Variants in CDK7 observed in about 807,000 individuals in gnomAD.
The protein encoded by CDK7 is cyclin dependent kinase 7, also known as cyclin-dependent kinase 7.
In CDK7, 25 loss-of-function variants were observed where a neutral mutation model predicts 49.1. The ratio of observed to expected loss-of-function variants is 0.51; its 90% CI spans 0.37 to 0.71. The LOEUF is 0.71. Among genes scored for constraint, CDK7 ranks in the 30% least tolerant of loss-of-function variants. The probability of loss-of-function intolerance (pLI) is 0.00; values close to 1 mark genes in which losing one functional copy is unlikely to be tolerated. For synonymous variants in CDK7, 107 were observed against 140.0 expected, an observed-to-expected ratio of 0.76 and a Z score of 1.67; for missense variants, 316 against 411.7, an observed-to-expected ratio of 0.77 and a Z score of 2.01.
At chr5:69,247,189 G>A (rs1749810814) in intron 2 of CDK7, among the ~76,000 whole-genome samples, 2 of 152,180 alleles carry the variant, frequency 1.3e-5, no homozygotes, top group African/African-American at 4.8e-5. Context: ...GGTGAAAGTG[G>A]GGGTGTTGAA....
At chr5:69,262,812 T>C (rs1387625260) in intron 8 of CDK7, among the ~76,000 whole-genome samples, 1 of 152,204 alleles carries the variant, frequency 6.6e-6, no homozygotes, top group East Asian at 1.9e-4. Flanking sequence ...ATATCTTCCA[T>C]TTAGGACAAT....
chr5:69,236,811 C>A (rs938359050), intron 2 of CDK7, among the ~76,000 whole-genome samples: 34 of 151,720 alleles, frequency 2.2e-4, no homozygotes, highest in African/African-American at 8.2e-4. Flanking sequence ...GCCACCACGC[C>A]CAGCTAATAT....
rs558108562 is a variant in CDK7 at position 69,240,764 on chromosome 5, A to T, written c.126+5311A>T. On this transcript the variant is annotated intron_variant, in intron 2 of 11. Coordinates refer to ENST00000256443, the MANE Select transcript of CDK7 (RefSeq NM_001799.4). ...TGCCTCAGCCTCCCGAGTAGCTGGG[A>T]TTACAGACACATGCCACCACACCCA... Among the ~76,000 whole-genome samples the T allele has an allele frequency of 1.7e-4, 26 of 152,128 alleles. No homozygotes were observed. The East Asian group carries it at 4.7e-3, about 27-fold the overall frequency.
rs1013247806 is a variant in CDK7, at chr5:69,277,235, G to A, written c.*100G>A. The A allele has an allele frequency of 5.2e-6, 4 of 764,380 alleles. No homozygotes were observed. In the East Asian group the frequency reaches 1.1e-4, roughly 21 times the overall value. The allele number at this position is 764,380 out of a possible 1,614,324, so 47.3% of individuals were successfully genotyped here. A position where few individuals can be genotyped will look rare whatever the true frequency, so the allele number is the denominator to read the frequency against. On this transcript the variant is annotated 3_prime_UTR_variant, in exon 12 of 12. Coordinates refer to ENST00000256443, the MANE Select transcript of CDK7 (RefSeq NM_001799.4). ...AAGTAAATGCTGTAGAAGTGAGTTT[G>A]TAAATATTCTACACATGTAAAATAT... is the stretch of plus-strand genomic sequence containing the variant.
intron 9 of CDK7, among the ~76,000 whole-genome samples, chr5:69,271,518 T>C (rs1456676763): frequency 1.3e-5 from 2 of 151,342 alleles, no homozygotes; most frequent in African/African-American, 4.8e-5. Context: ...TTTTTCTTTT[T>C]TTTTTTTTTT....
At chr5:69,261,141 T>C (rs1750782690) in intron 7 of CDK7, among the ~76,000 whole-genome samples, 1 of 152,064 alleles carries the variant, frequency 6.6e-6, no homozygotes, top group Non-Finnish European at 1.5e-5. Context: ...TTTAAATTAT[T>C]TTGCCACCTT....
At chr5:69,246,387 C>T (rs886560979) in intron 2 of CDK7, among the ~76,000 whole-genome samples, 6 of 151,958 alleles carry the variant, frequency 3.9e-5, no homozygotes, top group East Asian at 1.9e-4. Flanking sequence ...TGCCCGCCTC[C>T]GCCTTCCAAA....
intron 4 of CDK7, 79 bp downstream of exon 4, chr5:69,254,748 C>A: frequency 1.3e-6 from 1 of 798,500 alleles, no homozygotes; most frequent in Non-Finnish European, 2.2e-6. Flanking sequence ...AAAGGCTCAG[C>A]AAGATGACTT....
intron 4 of CDK7, among the ~76,000 whole-genome samples, chr5:69,255,237 G>T (rs1750409572): frequency 6.6e-6 from 1 of 152,082 alleles, no homozygotes; most frequent in South Asian, 2.1e-4. Context: ...GAAAGAGGTT[G>T]GGTATTTTTT....
rs112178424 is a variant in CDK7, at chr5:69,270,249, A to G, written c.714+956A>G. Among the ~76,000 whole-genome samples, 26 of 152,182 alleles carry G rather than the reference A, an allele frequency of 1.7e-4. 2 individuals carry two copies. Among genetic ancestry groups the G allele is most frequent in the African/African-American group, 5.3e-4 (22 of 41,530 alleles). On this transcript the variant is annotated intron_variant, in intron 9 of 11. Transcript: ENST00000256443. Reference sequence around the variant, plus strand: ...CCAGGAGTTTAAGACCAGCCTGGGCAACATAGTGAGACTTCGTGTCTATAA... The same window carrying G: ...CCAGGAGTTTAAGACCAGCCTGGGCGACATAGTGAGACTTCGTGTCTATAA...
intron 8 of CDK7, among the ~76,000 whole-genome samples, chr5:69,265,035 A>G (rs370674703): frequency 6.6e-6 from 1 of 151,936 alleles, no homozygotes; most frequent in South Asian, 2.1e-4. Context: ...AGGCTGAGGC[A>G]GGCAGATCAC....
At chr5:69,247,100 A>G (rs879752580) in intron 2 of CDK7, among the ~76,000 whole-genome samples, 2 of 152,214 alleles carry the variant, frequency 1.3e-5, no homozygotes, top group Non-Finnish European at 2.9e-5. Context: ...TTCTATAAAT[A>G]TCTATTAGGT....
intron 2 of CDK7, among the ~76,000 whole-genome samples, chr5:69,239,218 C>T (rs1749207113): frequency 1.3e-5 from 2 of 152,136 alleles, no homozygotes. Context: ...TTTACTGTCC[C>T]ACCACATTCT....
At chr5:69,235,553 T>C (rs964449276) in intron 2 of CDK7, 100 bp downstream of exon 2, 2 of 798,040 alleles carry the variant, frequency 2.5e-6, no homozygotes, top group Admixed American at 2.2e-5. Context: ...ACTCTGATAA[T>C]GAGTTACTCA....
chr5:69,245,930 AT>A (rs1749724150), intron 2 of CDK7, among the ~76,000 whole-genome samples: 1 of 151,858 alleles, frequency 6.6e-6, no homozygotes, highest in Admixed American at 6.6e-5. Context: ...ATTTATTTGC[AT>A]CTTCTCTCCT....
chr5:69,253,671 G>A (rs1405702693), intron 3 of CDK7, among the ~76,000 whole-genome samples: 1 of 152,238 alleles, frequency 6.6e-6, no homozygotes, highest in Non-Finnish European at 1.5e-5. Context: ...TAGGGCAAGA[G>A]TAGGGAAGCT....
chr5:69,253,731 G>T (rs1271435793), intron 3 of CDK7, among the ~76,000 whole-genome samples: 1 of 152,180 alleles, frequency 6.6e-6, no homozygotes, highest in Non-Finnish European at 1.5e-5. Context: ...TAGTAGTGGT[G>T]TTCAGATCCT....
At chr5:69,268,988 C>T (rs1299851961) in intron 8 of CDK7, among the ~76,000 whole-genome samples, 1 of 143,098 alleles carries the variant, frequency 7.0e-6, no homozygotes, top group Non-Finnish European at 1.5e-5. Flanking sequence ...ACTAAAAATA[C>T]AAAAATTAGC....
chr5:69,240,249 C>T (rs1201901836), intron 2 of CDK7, among the ~76,000 whole-genome samples: 2 of 152,196 alleles, frequency 1.3e-5, no homozygotes, highest in African/African-American at 2.4e-5. Flanking sequence ...AACTTCCATA[C>T]ACCTTGTTTT....
Sources: allele counts gnomAD v4.1 joint callset (sites outside exome capture counted in the v4.1 genomes callset), GRCh38; gene constraint gnomAD v4.1.1; transcripts MANE v1.5; gene names NCBI Gene and HGNC (gene_info 2026-07-23, HGNC 2026-07-21).